STPG2: variants seen among roughly 807,000 people sequenced by gnomAD.
The protein encoded by STPG2 is sperm tail PG-rich repeat containing 2.
Under a neutral mutation model 54.2 loss-of-function variants are expected in STPG2, and 56 were observed. That is an observed-to-expected ratio of 1.03 (90% confidence interval 0.83 to 1.29). The LOEUF is 1.29. Among genes scored for constraint, STPG2 ranks in the 50% most tolerant of loss-of-function variants. The pLI is 0.00. For synonymous variants in STPG2, 200 were observed against 181.8 expected (o/e 1.10, Z -0.81); for missense variants, 596 against 544.9 (o/e 1.09, Z -0.93).
chr4:97,853,555 A>G (rs1209838704), intron 8 of STPG2, among the ~76,000 whole-genome samples: 1 of 152,196 alleles, frequency 6.6e-6, no homozygotes, highest in Non-Finnish European at 1.5e-5. Context: ...AAAAGAATAA[A>G]ACATTCAATA....
intron 8 of STPG2, among the ~76,000 whole-genome samples, chr4:97,868,768 C>T (rs1455690101): frequency 6.6e-6 from 1 of 151,826 alleles, no homozygotes; most frequent in Non-Finnish European, 1.5e-5. Context: ...CTCCTACTCC[C>T]TCCAAACACA....
At chr4:97,973,780 C>T (rs865806665) in intron 6 of STPG2, among the ~76,000 whole-genome samples, 12 of 152,172 alleles carry the variant, frequency 7.9e-5, no homozygotes, top group African/African-American at 2.4e-4. Flanking sequence ...AAGCCCAAGC[C>T]TTGGCAGCTA....
Position 97,558,993 on chromosome 4 carries a change from A to C in STPG2, c.*65T>G. On this transcript the variant is annotated 3_prime_UTR_variant, in exon 11 of 11. Transcript: ENST00000295268. ...TCCTATATTTGGAATAAATTTTGTT[A>C]AAATGACAAAGAAATAAACTGACTT... 7.4e-7 allele frequency: 1 copy of C among 1,352,788 alleles called. No individual in the cohort carries two copies. Among genetic ancestry groups the C allele is most frequent in the Non-Finnish European group, 1.0e-6 (1 of 965,700 alleles). 83.8% of individuals were successfully genotyped at this position (1,352,788 alleles called of 1,614,324 possible). A position where few individuals can be genotyped will look rare whatever the true frequency, so the allele number is the denominator to read the frequency against.
At chr4:97,864,560 T>G (rs1488446397) in intron 8 of STPG2, among the ~76,000 whole-genome samples, 2 of 152,114 alleles carry the variant, frequency 1.3e-5, no homozygotes, top group Admixed American at 1.3e-4. Flanking sequence ...AAGCTACCAA[T>G]GACTTTCTTC....
chr4:97,484,027 C>G (rs1037972554), intron 4 of STPG2, among the ~76,000 whole-genome samples: 2 of 151,480 alleles, frequency 1.3e-5, no homozygotes, highest in African/African-American at 4.8e-5. Context: ...TCAAACTGAA[C>G]GACAATAATG....
At chr4:97,707,926 A>G (rs1723999553) in intron 10 of STPG2, among the ~76,000 whole-genome samples, 1 of 152,192 alleles carries the variant, frequency 6.6e-6, no homozygotes, top group African/African-American at 2.4e-5. Flanking sequence ...TTTTTAATAG[A>G]TTTTACCAAA....
chr4:98,057,041 T>G (rs1171767291), intron 5 of STPG2, among the ~76,000 whole-genome samples: 1 of 152,270 alleles, frequency 6.6e-6, no homozygotes, highest in Admixed American at 6.5e-5. Flanking sequence ...GTGTGCAGAA[T>G]GGACTAACAC....
chr4:97,612,791 A>C (rs1733763750), intron 10 of STPG2, among the ~76,000 whole-genome samples: 1 of 152,078 alleles, frequency 6.6e-6, no homozygotes, highest in Admixed American at 6.6e-5. Flanking sequence ...ACTTAACTAC[A>C]CTACAGCATA....
chr4:98,052,860 A>T (rs1737365364), intron 5 of STPG2, among the ~76,000 whole-genome samples: 1 of 152,308 alleles, frequency 6.6e-6, no homozygotes, highest in Non-Finnish European at 1.5e-5. Context: ...GATAGCTAGT[A>T]ACAACCACCC....
chr4:97,728,923 G>C (rs994877728), intron 9 of STPG2, among the ~76,000 whole-genome samples: 4 of 151,566 alleles, frequency 2.6e-5, no homozygotes, highest in African/African-American at 7.3e-5. Context: ...GTGAGAGAAA[G>C]AGAGAGAGAG....
At chr4:97,798,147 C>T (rs529476784) in intron 9 of STPG2, among the ~76,000 whole-genome samples, 34 of 152,110 alleles carry the variant, frequency 2.2e-4, no homozygotes, top group Admixed American at 1.7e-3. Context: ...CTGGATTCAT[C>T]GATTTTTTGA....
rs76825569 is a variant in STPG2 at position 97,872,729 on chromosome 4, A to C, written c.1045-31797T>G. Among the ~76,000 whole-genome samples, 1,071 of 151,138 alleles carry C rather than the reference A, an allele frequency of 7.1e-3. 10 individuals are homozygous for C. Among genetic ancestry groups the C allele is most frequent in the African/African-American group, 0.023 (948 of 41,396 alleles). ...TTTAATAAAAACAATCATTTTTATG[A>C]ATCTACACATTTTGACTCACAGATT... On this transcript the variant is annotated intron_variant, in intron 8 of 10. Coordinates refer to ENST00000295268, the MANE Select transcript of STPG2 (RefSeq NM_174952.3).
At chr4:97,927,159 A>T (rs1349066397) in intron 8 of STPG2, among the ~76,000 whole-genome samples, 5 of 152,158 alleles carry the variant, frequency 3.3e-5, no homozygotes, top group Non-Finnish European at 7.4e-5. Flanking sequence ...AACTCAAATT[A>T]ACAAATTAAT....
rs182757237 is a variant in STPG2, at chr4:97,672,938, C to T, written c.1320+39761G>A. ...AGGAAATCACTGGCTTTTAGAACTTCCCCAGTTCCCTTTACGTTAGCAGCA... is the reference window on the plus strand; with the variant it reads ...AGGAAATCACTGGCTTTTAGAACTTTCCCAGTTCCCTTTACGTTAGCAGCA... On this transcript the variant is annotated intron_variant, in intron 10 of 10. Coordinates refer to ENST00000295268, the MANE Select transcript of STPG2 (RefSeq NM_174952.3). Among the ~76,000 whole-genome samples, 21 of 152,322 alleles carry T rather than the reference C, an allele frequency of 1.4e-4. No homozygotes were observed. The East Asian group carries it at 3.3e-3, about 24-fold the overall frequency.
chr4:97,692,097 C>T (rs567549756), intron 10 of STPG2, among the ~76,000 whole-genome samples: 1 of 152,070 alleles, frequency 6.6e-6, no homozygotes, highest in Non-Finnish European at 1.5e-5. Flanking sequence ...ACCAGAAAAA[C>T]AACTCCAGTA....
chr4:97,757,607 T>A (rs1725769519), intron 9 of STPG2, among the ~76,000 whole-genome samples: 1 of 152,156 alleles, frequency 6.6e-6, no homozygotes, highest in South Asian at 2.1e-4. Flanking sequence ...AAACAATAGA[T>A]CTTCTTCTGA....
At chr4:97,940,404 T>G (rs1221918314) in intron 8 of STPG2, among the ~76,000 whole-genome samples, 2 of 152,340 alleles carry the variant, frequency 1.3e-5, no homozygotes, top group Non-Finnish European at 1.5e-5. Context: ...TCCAAGTTGT[T>G]TGCTTTTTTC....
At chr4:97,975,881 C>G (rs1041877952) in intron 6 of STPG2, among the ~76,000 whole-genome samples, 3 of 152,134 alleles carry the variant, frequency 2.0e-5, no homozygotes, top group African/African-American at 7.2e-5. Flanking sequence ...CATTTTGTAA[C>G]TAGTCCTTCT....
intron 10 of STPG2, among the ~76,000 whole-genome samples, chr4:97,641,071 G>A (rs1253416185): frequency 1.3e-5 from 2 of 151,502 alleles, no homozygotes; most frequent in Non-Finnish European, 3.0e-5. Context: ...CTAAAATTGG[G>A]GGAAAGGCAA....
Sources: gnomAD v4.1 joint callset for allele counts (sites outside exome capture counted in the v4.1 genomes callset) on GRCh38, gnomAD v4.1.1 for gene constraint, MANE v1.5 for transcripts, NCBI Gene and HGNC (gene_info 2026-07-23, HGNC 2026-07-21) for gene names.